The following XKR5 variants were observed in gnomAD, a reference collection of about 807,000 sequenced individuals.
XKR5 encodes the protein XK related 5, also known as XK-related protein 5.
XKR5 carries 46 observed loss-of-function variants against 40.8 expected under a neutral mutation model. The ratio of observed to expected loss-of-function variants is 1.13; its 90% CI spans 0.89 to 1.44. XKR5 has a LOEUF of 1.44. Ranked by LOEUF, XKR5 falls within the 40% of genes most tolerant of loss-of-function variation. The probability of loss-of-function intolerance (pLI) is 0.00; values close to 1 mark genes in which losing one functional copy is unlikely to be tolerated. For missense variants in XKR5, 1,169 were observed against 844.7 expected, an observed-to-expected ratio of 1.38 and a Z score of -4.76; for synonymous variants, 466 against 356.1, an observed-to-expected ratio of 1.31 and a Z score of -3.48.
At chr8:6,815,514 G>T (rs997203781) in intron 6 of XKR5, among the ~76,000 whole-genome samples, 6 of 152,138 alleles carry the variant, frequency 3.9e-5, no homozygotes, top group African/African-American at 1.4e-4. Flanking sequence ...GGAGAGAGAA[G>T]TCACGTCCTC....
intron 2 of XKR5, 99 bp downstream of exon 2, chr8:6,832,618 C>G (rs944331992): frequency 2.4e-5 from 36 of 1,502,020 alleles, no homozygotes; most frequent in Middle Eastern, 3.6e-4. Flanking sequence ...CAATGCTGAA[C>G]TTTTATGAGC....
chr8:6,834,326 A>C (rs1256348298), intron 1 of XKR5, among the ~76,000 whole-genome samples: 1 of 152,218 alleles, frequency 6.6e-6, no homozygotes, highest in Non-Finnish European at 1.5e-5. Context: ...GCAGCTCTAG[A>C]CCGCGGGGTC....
intron 5 of XKR5, among the ~76,000 whole-genome samples, chr8:6,819,100 G>A (rs1472477001): frequency 6.6e-6 from 1 of 152,162 alleles, no homozygotes; most frequent in African/African-American, 2.4e-5. Flanking sequence ...TGTGGGGGTG[G>A]TACACTCTCC....
intron 3 of XKR5, among the ~76,000 whole-genome samples, chr8:6,824,812 G>C (rs895004974): frequency 1.3e-5 from 2 of 152,162 alleles, no homozygotes; most frequent in Non-Finnish European, 1.5e-5. Flanking sequence ...TGTGAGACTT[G>C]TGCCCGGCCA....
chr8:6,828,299 A>AG, intron 2 of XKR5, among the ~76,000 whole-genome samples: 1 of 152,306 alleles, frequency 6.6e-6, no homozygotes, highest in Admixed American at 6.5e-5. Context: ...GGTAGATGGT[A>AG]GGAAGAGCCT....
chr8:6,829,164 C>T (rs1804648699), intron 2 of XKR5: 1 of 168,218 alleles, frequency 5.9e-6, no homozygotes, highest in Admixed American at 6.5e-5. Context: ...ACCTGTCTTA[C>T]ATACCTTTAG....
chr8:6,834,669 C>G (rs975173694), intron 1 of XKR5, among the ~76,000 whole-genome samples: 18 of 152,094 alleles, frequency 1.2e-4, no homozygotes, highest in African/African-American at 3.6e-4. Context: ...CCCAGGGTAC[C>G]CCCTCTTCCA....
At chr8:6,832,140 G>C (rs1255795004) in intron 2 of XKR5, among the ~76,000 whole-genome samples, 1 of 151,906 alleles carries the variant, frequency 6.6e-6, no homozygotes, top group Non-Finnish European at 1.5e-5. Flanking sequence ...CTTGAATCCA[G>C]GTTCTCAAAG....
At chr8:6,833,259 T>C (rs137932628) in intron 1 of XKR5, among the ~76,000 whole-genome samples, 92 of 152,368 alleles carry the variant, frequency 6.0e-4, no homozygotes, top group African/African-American at 2.0e-3. Flanking sequence ...AAAGGGCTAA[T>C]CTGAAGCTGG....
chr8:6,812,184 C>A lies in XKR5; in HGVS notation c.1075G>T (p.Glu359Ter), dbSNP rs1027027809. The change falls in exon 7 of 7, where the codon GAG becomes TAG. Residue 359 changes from glutamate to a stop codon, truncating the protein, a stop_gained. Transcript: ENST00000618742. LOFTEE classifies it low-confidence loss of function (END_TRUNC). ...RATDLAGKRT[E>*]SSGSCQGASY... ...GCCCCTTGGCATGAGCCTGAGCTCT[C>A]GGTTCTCTTCCCAGCTAGATCTGTG... The A allele has an allele frequency of 6.4e-7, 1 of 1,551,786 alleles. No homozygotes were observed. Among genetic ancestry groups the A allele is most frequent in the East Asian group, 2.4e-5 (1 of 40,924 alleles).
intron 2 of XKR5, among the ~76,000 whole-genome samples, chr8:6,829,689 T>A (rs1486835607): frequency 1.3e-5 from 2 of 151,900 alleles, no homozygotes; most frequent in African/African-American, 4.8e-5. Context: ...CTAATTTGTC[T>A]ATTTTTAGTG....
At position 6,812,090 on chromosome 8, in the gene XKR5, C is replaced by G; in HGVS notation, c.1169G>C (p.Gly390Ala). 6.5e-7 allele frequency: 1 copy of G among 1,543,576 alleles called. No individual in the cohort carries two copies. Among genetic ancestry groups the G allele is most frequent in the Non-Finnish European group, 8.7e-7 (1 of 1,146,972 alleles). The change falls in exon 7 of 7, where the codon GGG becomes GCG. Residue 390 changes from glycine to alanine, a missense_variant. Physicochemically the swap from Gly to Ala is moderately conservative, Grantham distance 60. Coordinates refer to ENST00000618742, the MANE Select transcript of XKR5 (RefSeq NM_207411.5). ...PEQVPPEAGL[G>A]TQVAVEDSFL... ...AGAGTCCTCCACAGCAACCTGGGTC[C>G]CCAGCCCAGCCTCTGGGGGGACCTG...
At position 6,811,535 on chromosome 8, in the gene XKR5, C is replaced by T. The variant is rs926670454; in HGVS notation, c.1724G>A (p.Ser575Asn). Reference protein sequence around the residue: ...TAHSGRRLGKSSPAQPASPHP... With the variant: ...TAHSGRRLGKNSPAQPASPHP... ...GGGCGATGCAGGCTGGGCAGGGCTG[C>T]TCTTTCCCAGCCTCCTTCCAGAGTG... is the stretch of plus-strand genomic sequence containing the variant. The change falls in exon 7 of 7, where the codon AGC (serine) becomes AAC (asparagine). Residue 575 changes from serine (S) to asparagine (N), a missense_variant. Transcript: ENST00000618742. The T allele has an allele frequency of 1.3e-6, 2 of 1,534,290 alleles. No individual in the cohort carries two copies. The highest frequency in any genetic ancestry group is 4.9e-5 in the East Asian group (2 of 40,908).
At chr8:6,825,468 C>G in intron 2 of XKR5, 119 bp from the exon 3 acceptor site, 2 of 910,452 alleles carry the variant, frequency 2.2e-6, no homozygotes, top group East Asian at 3.2e-5. Context: ...TACTAGTCAC[C>G]TAGAGTTACT....
chr8:6,813,502 C>T (rs1803827451), intron 6 of XKR5, among the ~76,000 whole-genome samples: 1 of 152,170 alleles, frequency 6.6e-6, no homozygotes, highest in Non-Finnish European at 1.5e-5. Context: ...AGTTGGTACT[C>T]AGTGAATATT....
chr8:6,813,620 G>T (rs903679687), intron 6 of XKR5, among the ~76,000 whole-genome samples: 2 of 152,202 alleles, frequency 1.3e-5, no homozygotes, highest in Non-Finnish European at 2.9e-5. Context: ...GGTCGGCTGG[G>T]AGTCAGGGGT....
chr8:6,828,231 G>C (rs1203698466), intron 2 of XKR5, among the ~76,000 whole-genome samples: 1 of 152,210 alleles, frequency 6.6e-6, no homozygotes, highest in Non-Finnish European at 1.5e-5. Flanking sequence ...CACAGGCAGA[G>C]AGAATAAGGT....
chr8:6,815,715 C>T (rs1302359121), intron 6 of XKR5, 92 bp downstream of exon 6: 2 of 865,494 alleles, frequency 2.3e-6, no homozygotes, highest in Admixed American at 4.6e-5. Flanking sequence ...TTAACCACAT[C>T]TGAACTCAGT....
In XKR5 at chr8:6,835,101, C is replaced by G. The variant is rs28629464; in HGVS notation, c.58+335G>C. ...GTGATGGAAGGAAGGGCGGATACAT[C>G]TCCCCTGCTTCTGCGAGGGGATCTT... On this transcript the variant is annotated intron_variant, in intron 1 of 6. Transcript: ENST00000618742. 1.8e-3 allele frequency among the ~76,000 whole-genome samples: 277 copies of G among 152,212 alleles called. 3 individuals are homozygous for G. The highest frequency in any genetic ancestry group is 6.4e-3 in the African/African-American group (266 of 41,552).
Sources: allele counts gnomAD v4.1 joint callset (sites outside exome capture counted in the v4.1 genomes callset), GRCh38; gene constraint gnomAD v4.1.1; transcripts MANE v1.5; gene names NCBI Gene and HGNC (gene_info 2026-07-23, HGNC 2026-07-21).